The following RORA variants were observed in gnomAD, a reference collection of about 807,000 sequenced individuals.
The protein encoded by RORA is nuclear receptor ROR-alpha.
RORA carries 7 observed loss-of-function variants against 69.5 expected under a neutral mutation model. The observed-to-expected ratio is 0.10, with a 90% confidence interval of 0.06 to 0.19. RORA has a LOEUF of 0.19. Among genes scored for constraint, RORA ranks in the 10% least tolerant of loss-of-function variants. RORA has a pLI of 1.00. For missense variants in RORA, 457 were observed against 663.0 expected (o/e 0.69, Z 3.41); for synonymous variants, 261 against 240.8 (o/e 1.08, Z -0.78).
intron 1 of RORA, among the ~76,000 whole-genome samples, chr15:60,687,056 T>A (rs2070760887): frequency 6.6e-6 from 1 of 152,204 alleles, no homozygotes; most frequent in African/African-American, 2.4e-5. Flanking sequence ...GGTATCACTA[T>A]GTAATGATGG....
chr15:60,896,889 T>G (rs1891245516), intron 1 of RORA, among the ~76,000 whole-genome samples: 1 of 152,108 alleles, frequency 6.6e-6, no homozygotes, highest in Non-Finnish European at 1.5e-5. Flanking sequence ...TTTATCTAAG[T>G]GGGGCCTGAC....
intron 1 of RORA, among the ~76,000 whole-genome samples, chr15:60,812,956 G>T (rs2072764184): frequency 6.6e-6 from 1 of 152,194 alleles, no homozygotes; most frequent in South Asian, 2.1e-4. Context: ...ACGGGACTGT[G>T]CTGGTCAGAA....
intron 1 of RORA, among the ~76,000 whole-genome samples, chr15:61,017,666 A>G (rs1203916212): frequency 1.3e-5 from 2 of 152,336 alleles, no homozygotes; most frequent in Non-Finnish European, 2.9e-5. Context: ...TCTTTCTAAC[A>G]AAAACCAGGA....
At chr15:60,672,676 T>G (rs2070492802) in intron 2 of RORA, among the ~76,000 whole-genome samples, 1 of 152,224 alleles carries the variant, frequency 6.6e-6, no homozygotes, top group Non-Finnish European at 1.5e-5. Context: ...GCTACTTGTC[T>G]CTCATGTACA....
intron 1 of RORA, among the ~76,000 whole-genome samples, chr15:60,773,489 T>C (rs77064812): frequency 0.012 from 1,878 of 152,284 alleles, 42 homozygotes; most frequent in African/African-American, 0.043. Context: ...AAATTTACAT[T>C]GGTACTTTTT....
At chr15:60,572,944 G>A (rs540784632) in intron 2 of RORA, among the ~76,000 whole-genome samples, 8 of 152,194 alleles carry the variant, frequency 5.3e-5, no homozygotes, top group Non-Finnish European at 8.8e-5. Context: ...AATCTTTAAT[G>A]TAATAATTAC....
intron 1 of RORA, chr15:60,765,132 G>A (rs1304825303): frequency 6.6e-6 from 1 of 151,908 alleles, no homozygotes; most frequent in African/African-American, 2.4e-5. Context: ...GAATATCCTC[G>A]ATCCCAGGGC....
At chr15:61,210,475 A>G (rs920966192) in intron 1 of RORA, among the ~76,000 whole-genome samples, 4 of 152,248 alleles carry the variant, frequency 2.6e-5, no homozygotes, top group African/African-American at 9.6e-5. Flanking sequence ...CCCCATACCT[A>G]TTATAACAGA....
chr15:60,503,797 C>T (rs999017962), intron 6 of RORA, 130 bp from the exon 7 acceptor site: 41 of 1,064,856 alleles, frequency 3.9e-5, no homozygotes, highest in Non-Finnish European at 5.2e-5. Flanking sequence ...AAAGTGGGAT[C>T]TTATTTTATT....
chr15:60,502,233 G>A (rs1035812628), intron 8 of RORA, among the ~76,000 whole-genome samples: 4 of 152,150 alleles, frequency 2.6e-5, no homozygotes, highest in African/African-American at 9.7e-5. Flanking sequence ...GCCTGCCTTG[G>A]CCTCCCAAAG....
intron 1 of RORA, among the ~76,000 whole-genome samples, chr15:60,774,886 T>C (rs923490326): frequency 2.0e-5 from 3 of 152,240 alleles, no homozygotes. Flanking sequence ...TGGCTTTAAC[T>C]GGAAACTTGA....
intron 2 of RORA, among the ~76,000 whole-genome samples, chr15:60,665,930 C>A (rs1393492690): frequency 1.3e-5 from 2 of 152,148 alleles, no homozygotes; most frequent in Non-Finnish European, 2.9e-5. Context: ...GTGCCTTGGC[C>A]TCGCCAAGTG....
At chr15:60,822,716 C>T (rs79701649) in intron 1 of RORA, among the ~76,000 whole-genome samples, 1,736 of 152,268 alleles carry the variant, frequency 0.011, 32 homozygotes, top group African/African-American at 0.04. Context: ...ACCTAGCATG[C>T]GCATTAGCTG....
chr15:61,064,573 T>G (rs2078231789), intron 1 of RORA, among the ~76,000 whole-genome samples: 1 of 152,194 alleles, frequency 6.6e-6, no homozygotes, highest in Non-Finnish European at 1.5e-5. Context: ...GCAGGTCTAC[T>G]GTGGAGCCCA....
At chr15:61,054,686 T>TA (rs1220180042) in intron 1 of RORA, among the ~76,000 whole-genome samples, 19 of 152,216 alleles carry the variant, frequency 1.2e-4, no homozygotes, top group African/African-American at 4.6e-4. Context: ...ATATGAATAA[T>TA]ATAGGTAAAT....
intron 2 of RORA, among the ~76,000 whole-genome samples, chr15:60,627,046 C>A (rs1466597091): frequency 6.6e-6 from 1 of 152,198 alleles, no homozygotes; most frequent in South Asian, 2.1e-4. Context: ...GCTTGGGCAT[C>A]CCACCTCGGG....
At chr15:61,094,826 A>G (rs1242311860) in intron 1 of RORA, among the ~76,000 whole-genome samples, 1 of 152,244 alleles carries the variant, frequency 6.6e-6, no homozygotes, top group East Asian at 1.9e-4. Flanking sequence ...AGGTAGAAGA[A>G]CAACAGATAC....
chr15:60,558,411 G>A, intron 2 of RORA: 1 of 663,766 alleles, frequency 1.5e-6, no homozygotes, highest in Non-Finnish European at 2.7e-6. Flanking sequence ...TGACTTTTTT[G>A]TGTGTACCAT....
intron 1 of RORA, among the ~76,000 whole-genome samples, chr15:61,143,101 T>C (rs1190960860): frequency 6.6e-6 from 1 of 152,080 alleles, no homozygotes; most frequent in Non-Finnish European, 1.5e-5. Context: ...CCAAAGAGGA[T>C]CAACTGAAAA....
Sources: gnomAD v4.1 joint callset for allele counts (sites outside exome capture counted in the v4.1 genomes callset) on GRCh38, gnomAD v4.1.1 for gene constraint, MANE v1.5 for transcripts, NCBI Gene and HGNC (gene_info 2026-07-23, HGNC 2026-07-21) for gene names.